The following CD99 variants were observed in gnomAD, a reference collection of about 807,000 sequenced individuals.
CD99 encodes CD99 antigen.
Under a neutral mutation model 28.4 loss-of-function variants are expected in CD99, and 19 were observed. The ratio of observed to expected loss-of-function variants is 0.67; its 90% CI spans 0.47 to 0.98. CD99 has a LOEUF of 0.98. Ranked by LOEUF, CD99 falls within the 50% of genes least tolerant of loss-of-function variation. CD99 has a pLI of 0.00. For synonymous variants in CD99, 103 were observed against 92.1 expected (o/e 1.12, Z -0.67); for missense variants, 283 against 248.8 (o/e 1.14, Z -0.92).
chrX:2,720,303 AT>A, intron 4 of CD99, 52 bp from the exon 5 acceptor site: 1 of 1,534,960 alleles, frequency 6.5e-7, no homozygotes, highest in Non-Finnish European at 9.0e-7. Flanking sequence ...CTGATGTTTC[AT>A]TTTCTTTACT....
intron 8 of CD99, among the ~76,000 whole-genome samples, chrX:2,733,956 C>T (rs1020859425): frequency 1.2e-4 from 19 of 152,312 alleles, no homozygotes; most frequent in East Asian, 1.2e-3. Flanking sequence ...AAACAAAATT[C>T]ATACGTTGAG....
intron 9 of CD99, among the ~76,000 whole-genome samples, chrX:2,739,794 C>T (rs994200272): frequency 1.5e-4 from 22 of 150,794 alleles, no homozygotes; most frequent in African/African-American, 4.8e-4. Context: ...GTTAGTGTCT[C>T]GCCAGACGCG....
rs748363351 is a variant in CD99 at position 2,710,994 on chromosome X, C to T, written c.68-3428C>T. Reference sequence around the variant, plus strand: ...CAAGCGATTTTCCTGCCTCAGCCTCCTGAGTAGCTGGGATTACATGCGCAT... The same window carrying T: ...CAAGCGATTTTCCTGCCTCAGCCTCTTGAGTAGCTGGGATTACATGCGCAT... On this transcript the variant is annotated intron_variant, in intron 1 of 9. Transcript: ENST00000381192. Among the ~76,000 whole-genome samples the T allele has an allele frequency of 2.7e-5, 4 of 150,834 alleles. No individual in the cohort carries two copies. The East Asian group carries it at 5.8e-4, about 22-fold the overall frequency.
chrX:2,711,106 C>G (rs768099710), intron 1 of CD99, among the ~76,000 whole-genome samples: 1 of 150,354 alleles, frequency 6.7e-6, no homozygotes, highest in South Asian at 2.1e-4. Context: ...CTCCTGACCT[C>G]GTGATCCTCT....
chrX:2,694,146 A>AC (rs1197299555), intron 1 of CD99, among the ~76,000 whole-genome samples: 2 of 151,818 alleles, frequency 1.3e-5, no homozygotes, highest in Admixed American at 6.6e-5. Context: ...GATTTGCCCC[A>AC]CCCCCCGGGG....
At chrX:2,693,464 CCTT>C (rs1345844183) in intron 1 of CD99, among the ~76,000 whole-genome samples, 1 of 152,116 alleles carries the variant, frequency 6.6e-6, no homozygotes, top group Non-Finnish European at 1.5e-5. Context: ...GCTTCTCACC[CCTT>C]CTTTGCAGTC....
In CD99 at chrX:2,724,279, G is replaced by A. The variant is rs746188377; in HGVS notation, c.361+915G>A. Among the ~76,000 whole-genome samples the A allele has an allele frequency of 5.3e-4, 81 of 152,276 alleles. 1 individual carries two copies. The highest frequency in any genetic ancestry group is 1.8e-3 in the Admixed American group (28 of 15,282). On this transcript the variant is annotated intron_variant, in intron 7 of 9. Coordinates refer to ENST00000381192, the MANE Select transcript of CD99 (RefSeq NM_002414.5). ...TCATCAGGGAGGGGTAGTTAAGCTT[G>A]AAAAATCTTTCTATGACATGACTGT...
At chrX:2,729,388 A>G (rs1054630490) in intron 8 of CD99, among the ~76,000 whole-genome samples, 6 of 152,100 alleles carry the variant, frequency 3.9e-5, no homozygotes, top group South Asian at 2.1e-4. Flanking sequence ...CATGAAGGAA[A>G]GAGGATTCAT....
intron 1 of CD99, among the ~76,000 whole-genome samples, chrX:2,707,528 A>G (rs1337507894): frequency 6.6e-6 from 1 of 152,128 alleles, no homozygotes; most frequent in Non-Finnish European, 1.5e-5. Flanking sequence ...GGCTGATGAG[A>G]AAAAGTAAAC....
chrX:2,724,891 GCA>G, intron 7 of CD99, among the ~76,000 whole-genome samples: 1 of 134,790 alleles, frequency 7.4e-6, no homozygotes, highest in African/African-American at 3.0e-5. Context: ...AAGTAAGACT[GCA>G]TTTCAAAAAA....
Position 2,722,753 on chromosome X carries a change from C to T in CD99, c.310+79C>T, listed in dbSNP as rs2049058243. On this transcript the variant is annotated intron_variant, in intron 6 of 9. Coordinates refer to ENST00000381192, the MANE Select transcript of CD99 (RefSeq NM_002414.5). The stretch of plus-strand genomic sequence containing the variant: ...CTGCTCTGTAGAATCACTACAGGGT[C>T]TAAACTGTCAGCTCTCTGTGAACTC... 14 of 1,349,874 alleles carry T rather than the reference C, an allele frequency of 1.0e-5. No individual in the cohort carries two copies. The East Asian group carries it at 1.6e-4, about 15-fold the overall frequency. 83.6% of individuals were successfully genotyped at this position (1,349,874 alleles called of 1,614,324 possible).
chrX:2,741,194 C>T lies in CD99; in HGVS notation c.*390C>T, dbSNP rs184492690. 214 of 232,108 alleles carry T rather than the reference C, an allele frequency of 9.2e-4. 4 individuals are homozygous for T. In the East Asian group the frequency reaches 0.014, roughly 16 times the overall value. 14.4% of individuals were successfully genotyped at this position (232,108 alleles called of 1,614,324 possible). ...GCACGTCTGAAACCCCTGGTAGCCCCGACTTCTTTTTAATTAAAATAAGGT... is the reference window on the plus strand; with the variant it reads ...GCACGTCTGAAACCCCTGGTAGCCCTGACTTCTTTTTAATTAAAATAAGGT... On this transcript the variant is annotated 3_prime_UTR_variant, in exon 10 of 10. Coordinates refer to ENST00000381192, the MANE Select transcript of CD99 (RefSeq NM_002414.5).
chrX:2,708,785 G>C (rs981309410), intron 1 of CD99, among the ~76,000 whole-genome samples: 1 of 152,146 alleles, frequency 6.6e-6, no homozygotes, highest in Non-Finnish European at 1.5e-5. Flanking sequence ...GGTCCGGGGA[G>C]CAGTGGGTTT....
chrX:2,699,601 C>G (rs1007106403), intron 1 of CD99, among the ~76,000 whole-genome samples: 1 of 151,874 alleles, frequency 6.6e-6, no homozygotes, highest in Non-Finnish European at 1.5e-5. Context: ...CTCCCTCAGG[C>G]GTGAGCTGGC....
At chrX:2,698,309 A>G (rs981068356) in intron 1 of CD99, among the ~76,000 whole-genome samples, 1 of 151,546 alleles carries the variant, frequency 6.6e-6, no homozygotes, top group African/African-American at 2.4e-5. Context: ...AGCTGGGACC[A>G]CAGGCATGTG....
chrX:2,739,987 A>G (rs1008469069), intron 9 of CD99, among the ~76,000 whole-genome samples: 3 of 151,296 alleles, frequency 2.0e-5, no homozygotes, highest in Non-Finnish European at 4.4e-5. Context: ...AGCTACTCAG[A>G]AGGCTGAGGC....
At chrX:2,722,798 T>C in intron 6 of CD99, 124 bp downstream of exon 6, 1 of 1,049,844 alleles carries the variant, frequency 9.5e-7, no homozygotes, top group South Asian at 1.3e-5. Context: ...TGTTCAGCCA[T>C]CTCTGTGGGA....
chrX:2,727,310 T>C (rs1439287027), intron 8 of CD99: 2 of 779,344 alleles, frequency 2.6e-6, no homozygotes, highest in Non-Finnish European at 4.8e-6. Flanking sequence ...GGCAGGCTCT[T>C]TGGGACCTTG....
intron 2 of CD99, chrX:2,715,102 G>A (rs930216323): frequency 6.6e-6 from 1 of 152,254 alleles, no homozygotes; most frequent in Non-Finnish European, 1.5e-5. Flanking sequence ...CTGTCTCCAT[G>A]GGGCCACTCC....
Sources: allele counts gnomAD v4.1 joint callset (sites outside exome capture counted in the v4.1 genomes callset), GRCh38; gene constraint gnomAD v4.1.1; transcripts MANE v1.5; gene names NCBI Gene and HGNC (gene_info 2026-07-23, HGNC 2026-07-21).